The following HPSE2 variants were observed in gnomAD, a reference collection of about 807,000 sequenced individuals.
The protein encoded by HPSE2 is heparanase 2 (inactive), also known as inactive heparanase-2.
A neutral mutation model predicts 60.5 loss-of-function variants in HPSE2; 38 were observed. The ratio of observed to expected loss-of-function variants is 0.63; its 90% CI spans 0.48 to 0.82. The LOEUF is 0.82. Ranked by LOEUF, HPSE2 falls within the 40% of genes least tolerant of loss-of-function variation. The pLI is 0.00. For synonymous variants in HPSE2, 295 were observed against 293.2 expected (o/e 1.01, Z -0.06); for missense variants, 713 against 740.4 (o/e 0.96, Z 0.43).
intron 3 of HPSE2, among the ~76,000 whole-genome samples, chr10:98,758,662 T>A (rs1212472029): frequency 6.6e-6 from 1 of 152,156 alleles, no homozygotes; most frequent in Non-Finnish European, 1.5e-5. Context: ...GCAGAATGGC[T>A]GTTATTAAAA....
chr10:99,056,439 C>T (rs1324427288), intron 3 of HPSE2, among the ~76,000 whole-genome samples: 1 of 152,032 alleles, frequency 6.6e-6, no homozygotes, highest in African/African-American at 2.4e-5. Context: ...ATGCTTTCAC[C>T]TCATTTTATG....
At chr10:99,238,119 A>G (rs1207700082), upstream of HPSE2, among the ~76,000 whole-genome samples, 1 of 152,218 alleles carries the variant, frequency 6.6e-6, no homozygotes, top group Non-Finnish European at 1.5e-5. Flanking sequence ...TTGCTATACT[A>G]AGAATTTTTA....
intron 3 of HPSE2, among the ~76,000 whole-genome samples, chr10:99,053,363 A>C (rs1376419247): frequency 1.7e-5 from 2 of 117,056 alleles, no homozygotes; most frequent in Admixed American, 1.0e-4. Context: ...ACCACTAAAA[A>C]ACAGTACAAA....
the HPSE2 span, among the ~76,000 whole-genome samples, chr10:99,264,256 T>C: frequency 2.6e-5 from 4 of 151,888 alleles, no homozygotes; most frequent in Non-Finnish European, 5.9e-5. Flanking sequence ...CCCGGCTAAT[T>C]TTTTGTATTT....
intron 3 of HPSE2, among the ~76,000 whole-genome samples, chr10:98,982,400 T>G (rs1363466327): frequency 6.6e-6 from 1 of 152,210 alleles, no homozygotes; most frequent in African/African-American, 2.4e-5. Context: ...TAAAGAAAGT[T>G]TTATAAACTC....
At chr10:98,620,469 T>G in intron 8 of HPSE2, 133 bp downstream of exon 8, 1 of 714,378 alleles carries the variant, frequency 1.4e-6, no homozygotes, top group Non-Finnish European at 2.5e-6. Flanking sequence ...AAGACACACA[T>G]GAATGAATGA....
rs111591734 is a variant in HPSE2, at chr10:99,014,351, A to G, written c.610+129887T>C. Among the ~76,000 whole-genome samples the G allele has an allele frequency of 2.2e-3, 340 of 152,284 alleles. 1 individual carries two copies. Among genetic ancestry groups the G allele is most frequent in the African/African-American group, 8.0e-3 (333 of 41,562 alleles). ...GTATGATGTTTTCTTTATCCAGTGT[A>G]TCATTCATGGCCACTTAGGTTGATT... On this transcript the variant is annotated intron_variant, in intron 3 of 11. Coordinates refer to ENST00000370552, the MANE Select transcript of HPSE2 (RefSeq NM_021828.5).
At chr10:98,469,384 C>T (rs1940683732) in intron 11 of HPSE2, among the ~76,000 whole-genome samples, 1 of 152,170 alleles carries the variant, frequency 6.6e-6, no homozygotes, top group Non-Finnish European at 1.5e-5. Flanking sequence ...ATGGAGACTT[C>T]AGCATGTGGT....
intron 3 of HPSE2, among the ~76,000 whole-genome samples, chr10:98,747,722 T>G (rs7093214): frequency 0.69 from 105,480 of 152,062 alleles, 37,693 homozygotes; most frequent in Non-Finnish European, 0.8. Context: ...TATACCATTT[T>G]TTGGCATCTC....
At chr10:99,235,891 TC>T (rs1022284037), upstream of HPSE2, 21 of 1,168,476 alleles carry the variant, frequency 1.8e-5, no homozygotes, top group African/African-American at 2.0e-4. Flanking sequence ...TCCGCCTTTT[TC>T]CCCCCTTTTT....
At chr10:98,476,604 A>G (rs891105278) in intron 11 of HPSE2, among the ~76,000 whole-genome samples, 5 of 152,130 alleles carry the variant, frequency 3.3e-5, no homozygotes, top group Admixed American at 6.6e-5. Flanking sequence ...AGCCTGGCCA[A>G]CATGGTGGAA....
the HPSE2 span, among the ~76,000 whole-genome samples, chr10:99,257,561 G>C: frequency 6.6e-6 from 1 of 152,148 alleles, no homozygotes; most frequent in African/African-American, 2.4e-5. Context: ...ATTTTGGTCA[G>C]ACCGGTTGTC....
chr10:99,153,511 G>C (rs1846378178), intron 2 of HPSE2, among the ~76,000 whole-genome samples: 2 of 151,968 alleles, frequency 1.3e-5, no homozygotes, highest in Non-Finnish European at 2.9e-5. Flanking sequence ...TCACACGGCA[G>C]GGTATTCCAA....
chr10:99,263,508 G>A, the HPSE2 span, among the ~76,000 whole-genome samples: 8 of 152,184 alleles, frequency 5.3e-5, no homozygotes, highest in East Asian at 5.8e-4. Flanking sequence ...CTTTACTTCC[G>A]AAGGAAGCTG....
chr10:98,716,786 G>A (rs1247614795), intron 5 of HPSE2, among the ~76,000 whole-genome samples: 18 of 152,108 alleles, frequency 1.2e-4, no homozygotes, highest in Non-Finnish European at 1.5e-5. Context: ...CATTGTCAAT[G>A]AGCAGTAATA....
At chr10:99,163,669 T>C (rs1426447407) in intron 2 of HPSE2, among the ~76,000 whole-genome samples, 1 of 152,186 alleles carries the variant, frequency 6.6e-6, no homozygotes, top group Non-Finnish European at 1.5e-5. Flanking sequence ...AGAACTATTT[T>C]CTATTCCAGG....
Position 98,524,412 on chromosome 10 carries a change from G to A in HPSE2, c.1321-34216C>T, listed in dbSNP as rs115220045. On this transcript the variant is annotated intron_variant, in intron 9 of 11. Coordinates refer to ENST00000370552, the MANE Select transcript of HPSE2 (RefSeq NM_021828.5). ...TAAGTAGGGAGTGGTGGGGCTGACTGTCCGAGAGGCCACACTTTCTTTCAC... is the reference window on the plus strand; with the variant it reads ...TAAGTAGGGAGTGGTGGGGCTGACTATCCGAGAGGCCACACTTTCTTTCAC... Among the ~76,000 whole-genome samples the A allele has an allele frequency of 2.7e-3, 411 of 152,278 alleles. 2 individuals carry two copies. The highest frequency in any genetic ancestry group is 9.5e-3 in the African/African-American group (393 of 41,552).
intron 3 of HPSE2, among the ~76,000 whole-genome samples, chr10:98,978,047 A>G (rs988244301): frequency 6.6e-6 from 1 of 152,086 alleles, no homozygotes; most frequent in Non-Finnish European, 1.5e-5. Context: ...GACAATAAAT[A>G]TAATGCCCAA....
chr10:99,315,003 A>G, the HPSE2 span, among the ~76,000 whole-genome samples: 2 of 152,252 alleles, frequency 1.3e-5, no homozygotes, highest in Non-Finnish European at 2.9e-5. Flanking sequence ...TCACTTCAGG[A>G]CCAGCACCAA....
Sources: allele counts gnomAD v4.1 joint callset (sites outside exome capture counted in the v4.1 genomes callset), GRCh38; gene constraint gnomAD v4.1.1; transcripts MANE v1.5; gene names NCBI Gene and HGNC (gene_info 2026-07-23, HGNC 2026-07-21).